SPECC1: variants seen among roughly 807,000 people sequenced by gnomAD.
SPECC1 encodes the protein cytospin-B.
In SPECC1, 62 loss-of-function variants were observed where a neutral mutation model predicts 104.1. That is an observed-to-expected ratio of 0.60 (90% CI 0.49 to 0.74). The LOEUF (loss-of-function observed/expected upper bound fraction) is 0.74. Ranked by LOEUF, SPECC1 falls within the 30% of genes least tolerant of loss-of-function variation. SPECC1 has a pLI of 0.00. For synonymous variants in SPECC1, 513 were observed against 501.6 expected (o/e 1.02, Z -0.30); for missense variants, 1,306 against 1,310.5 (o/e 1.00, Z 0.05).
At chr17:20,058,685 C>T (rs1261451060) in intron 1 of SPECC1, among the ~76,000 whole-genome samples, 1 of 151,844 alleles carries the variant, frequency 6.6e-6, no homozygotes, top group East Asian at 1.9e-4. Flanking sequence ...CATTTTTTAG[C>T]ATTGAATGAA....
chr17:20,234,605 T>C (rs1007280214), intron 7 of SPECC1, among the ~76,000 whole-genome samples: 2 of 152,228 alleles, frequency 1.3e-5, no homozygotes, highest in Non-Finnish European at 2.9e-5. Context: ...TAGTGAGAAC[T>C]CAAAAGTCAT....
rs372712251 is a variant in SPECC1 at position 20,317,862 on chromosome 17, A to G, written c.*3797A>G. On this transcript the variant is annotated 3_prime_UTR_variant, in exon 15 of 15. Transcript: ENST00000395527. ...CACAGCAGCTAGTAGGGCTCCCCCAAGCCATCCGCTGGCGTGTGGAGGTGC... is the reference window on the plus strand; with the variant it reads ...CACAGCAGCTAGTAGGGCTCCCCCAGGCCATCCGCTGGCGTGTGGAGGTGC... 1.8e-3 allele frequency: 398 copies of G among 226,274 alleles called. 3 individuals carry two copies. Among genetic ancestry groups the G allele is most frequent in the East Asian group, 0.013 (209 of 15,658 alleles). 14.0% of individuals were successfully genotyped at this position (226,274 alleles called of 1,614,324 possible).
At chr17:20,243,508 C>A (rs990145869) in intron 7 of SPECC1, among the ~76,000 whole-genome samples, 3 of 152,108 alleles carry the variant, frequency 2.0e-5, no homozygotes, top group Non-Finnish European at 4.4e-5. Context: ...TAACCATTTT[C>A]TTTGGTTATT....
At position 20,197,944 on chromosome 17, in the gene SPECC1, C is replaced by A. The variant is rs2036146152; in HGVS notation, c.284-6389C>A. ...ATAAATACTGATTTTTCCCCCCATT[C>A]ATTCAACTGTTTGCATAGAGAGTGA... On this transcript the variant is annotated intron_variant, in intron 3 of 14. Transcript: ENST00000395527. Among the ~76,000 whole-genome samples the A allele has an allele frequency of 2.0e-5, 3 of 152,118 alleles. No homozygotes were observed. In the South Asian group the frequency reaches 6.2e-4, roughly 32 times the overall value.
intron 9 of SPECC1, among the ~76,000 whole-genome samples, chr17:20,251,856 TATAA>T (rs1299563612): frequency 2.6e-5 from 4 of 152,208 alleles, no homozygotes; most frequent in Non-Finnish European, 5.9e-5. Flanking sequence ...GTTGCCATTT[TATAA>T]ATAAAGAAAA....
chr17:20,310,291 A>T (rs2041895705), intron 14 of SPECC1, among the ~76,000 whole-genome samples: 1 of 152,206 alleles, frequency 6.6e-6, no homozygotes, highest in Admixed American at 6.5e-5. Flanking sequence ...GTTCTGTTTT[A>T]AGTTCTTTGA....
chr17:20,242,913 A>G lies in SPECC1; in HGVS notation c.2352-3013A>G, dbSNP rs973810527. 3.3e-5 allele frequency among the ~76,000 whole-genome samples: 5 copies of G among 152,222 alleles called. No homozygotes were observed. The South Asian group carries it at 8.3e-4, about 25-fold the overall frequency. ...ATTTGTTTTGCTGAAATTATCGATT[A>G]TTATCCCAGTTTTATATGCTGGGAG... is the stretch of plus-strand genomic sequence containing the variant. On this transcript the variant is annotated intron_variant, in intron 7 of 14. Coordinates refer to ENST00000395527, the MANE Select transcript of SPECC1 (RefSeq NM_001243439.2).
intron 3 of SPECC1, among the ~76,000 whole-genome samples, chr17:20,149,287 G>C (rs1166237701): frequency 6.6e-6 from 1 of 152,208 alleles, no homozygotes; most frequent in Non-Finnish European, 1.5e-5. Context: ...GTCTGGGACT[G>C]CTGTCCTTAG....
At position 20,200,997 on chromosome 17, in the gene SPECC1, T is replaced by A. The variant is rs573136940; in HGVS notation, c.284-3336T>A. On this transcript the variant is annotated intron_variant, in intron 3 of 14. Transcript: ENST00000395527. The stretch of plus-strand genomic sequence containing the variant: ...AATATACTTTAGTTTCATGGTTTTT[T>A]AAAAATTCCTAGTAGTATAGATAAG... Among the ~76,000 whole-genome samples, 3 of 152,214 alleles carry A rather than the reference T, an allele frequency of 2.0e-5. No individual in the cohort carries two copies. In the East Asian group the frequency reaches 5.8e-4, roughly 29 times the overall value.
intron 3 of SPECC1, among the ~76,000 whole-genome samples, chr17:20,122,033 A>C (rs562313951): frequency 9.2e-5 from 14 of 152,332 alleles, no homozygotes; most frequent in East Asian, 5.8e-4. Context: ...AAGACGTGGG[A>C]GAGATGAGAA....
chr17:20,033,034 G>A (rs949780386), intron 1 of SPECC1, among the ~76,000 whole-genome samples: 1 of 150,560 alleles, frequency 6.6e-6, no homozygotes, highest in Admixed American at 6.7e-5. Flanking sequence ...GCGTGATCTC[G>A]GCTCACTGCA....
chr17:20,046,089 T>A (rs1394925124), intron 1 of SPECC1, among the ~76,000 whole-genome samples: 1 of 151,968 alleles, frequency 6.6e-6, no homozygotes, highest in Non-Finnish European at 1.5e-5. Context: ...TTGTGACGCT[T>A]TGAGAATTCT....
intron 4 of SPECC1, among the ~76,000 whole-genome samples, chr17:20,216,786 C>CT (rs993075509): frequency 4.6e-5 from 7 of 152,012 alleles, no homozygotes; most frequent in African/African-American, 1.7e-4. Context: ...AGAGTGATTC[C>CT]TTTTTTCAAG....
intron 3 of SPECC1, among the ~76,000 whole-genome samples, chr17:20,181,575 G>A (rs2034890477): frequency 1.3e-5 from 2 of 152,026 alleles, no homozygotes; most frequent in African/African-American, 4.8e-5. Context: ...ATTATTGCTA[G>A]TATTTAACAT....
intron 3 of SPECC1, among the ~76,000 whole-genome samples, chr17:20,164,900 A>C (rs1329324256): frequency 5.9e-5 from 9 of 152,226 alleles, no homozygotes. Context: ...CTTCTTTAGC[A>C]CTTAAAATAT....
chr17:20,033,553 CT>C (rs750397519), intron 1 of SPECC1, among the ~76,000 whole-genome samples: 2 of 152,142 alleles, frequency 1.3e-5, no homozygotes, highest in Non-Finnish European at 2.9e-5. Flanking sequence ...CTTCAGGCTG[CT>C]TCCACTCATT....
At chr17:20,284,054 A>T (rs1304847597) in intron 12 of SPECC1, among the ~76,000 whole-genome samples, 1 of 152,202 alleles carries the variant, frequency 6.6e-6, no homozygotes, top group Admixed American at 6.5e-5. Context: ...CCCCAGGATT[A>T]TAAGCCTATT....
chr17:20,316,137 C>T lies in SPECC1; in HGVS notation c.*2072C>T, dbSNP rs2042037535. The T allele has an allele frequency of 4.3e-6, 1 of 231,572 alleles. No individual in the cohort carries two copies. Among genetic ancestry groups the T allele is most frequent in the Non-Finnish European group, 8.5e-6 (1 of 117,064 alleles). 14.3% of individuals were successfully genotyped at this position (231,572 alleles called of 1,614,324 possible). On this transcript the variant is annotated 3_prime_UTR_variant, in exon 15 of 15. Transcript: ENST00000395527. Reference sequence around the variant, plus strand: ...AACCAATTCAACCTGAAAGTTACTACTTCTGCTGATTCAGGCACTTGTTTG... The same window carrying T: ...AACCAATTCAACCTGAAAGTTACTATTTCTGCTGATTCAGGCACTTGTTTG...
chr17:20,058,149 T>C (rs1275154530), intron 1 of SPECC1, among the ~76,000 whole-genome samples: 6 of 152,232 alleles, frequency 3.9e-5, no homozygotes, highest in African/African-American at 1.4e-4. Context: ...ATGGTCTTTA[T>C]CAGCCTTATC....
Sources: gnomAD v4.1 joint callset for allele counts (sites outside exome capture counted in the v4.1 genomes callset) on GRCh38, gnomAD v4.1.1 for gene constraint, MANE v1.5 for transcripts, NCBI Gene and HGNC (gene_info 2026-07-23, HGNC 2026-07-21) for gene names.